DOK6: variants seen among roughly 807,000 people sequenced by gnomAD.
DOK6 encodes docking protein 6, also known as downstream of tyrosine kinase 6.
DOK6 carries 22 observed loss-of-function variants against 44.0 expected under a neutral mutation model. The ratio of observed to expected loss-of-function variants is 0.50; its 90% CI spans 0.36 to 0.71. The LOEUF is 0.71. Among genes scored for constraint, DOK6 ranks in the 30% least tolerant of loss-of-function variants. DOK6 has a pLI of 0.00. For synonymous variants in DOK6, 166 were observed against 145.5 expected, an observed-to-expected ratio of 1.14 and a Z score of -1.01; for missense variants, 340 against 416.4, an observed-to-expected ratio of 0.82 and a Z score of 1.60.
At chr18:69,431,329 C>A (rs956928173) in intron 1 of DOK6, among the ~76,000 whole-genome samples, 6 of 152,162 alleles carry the variant, frequency 3.9e-5, no homozygotes, top group Non-Finnish European at 8.8e-5. Context: ...CCAGTTACCC[C>A]TTATCTGAAT....
At chr18:69,565,513 GT>G (rs1982952652) in intron 2 of DOK6, among the ~76,000 whole-genome samples, 21 of 61,340 alleles carry the variant, frequency 3.4e-4, no homozygotes, top group Non-Finnish European at 1.4e-4. Flanking sequence ...GTGTGTGTGT[GT>G]GTGTGTGTAT....
chr18:69,773,314 A>G (rs904016118), intron 7 of DOK6, among the ~76,000 whole-genome samples: 1 of 152,004 alleles, frequency 6.6e-6, no homozygotes, highest in Non-Finnish European at 1.5e-5. Flanking sequence ...ATAGAAATAC[A>G]TAAAATCCAC....
At chr18:69,745,331 C>T (rs1347489512) in intron 6 of DOK6, among the ~76,000 whole-genome samples, 2 of 152,122 alleles carry the variant, frequency 1.3e-5, no homozygotes, top group Non-Finnish European at 2.9e-5. Context: ...GAAAGCTGCA[C>T]AAGGATAGTT....
rs1046160770 is a variant in DOK6, at chr18:69,805,931, A to G, written c.857-35313A>G. ...AAGTCTATTATAATAATTTATCTTA[A>G]TTATTAATTATATGGTTTTTGGAAC... is the stretch of plus-strand genomic sequence containing the variant. On this transcript the variant is annotated intron_variant, in intron 7 of 7. Transcript: ENST00000382713. 2.6e-5 allele frequency among the ~76,000 whole-genome samples: 4 copies of G among 152,046 alleles called. No individual in the cohort carries two copies. The South Asian group carries it at 8.3e-4, about 31-fold the overall frequency.
chr18:69,420,752 A>C (rs935074491), intron 1 of DOK6, among the ~76,000 whole-genome samples: 1 of 152,108 alleles, frequency 6.6e-6, no homozygotes, highest in Non-Finnish European at 1.5e-5. Context: ...ACTGCACACA[A>C]TTTCATGACA....
intron 1 of DOK6, among the ~76,000 whole-genome samples, chr18:69,545,493 ACT>A (rs554796859): frequency 1.2e-3 from 184 of 147,506 alleles, no homozygotes; most frequent in African/African-American, 4.3e-3. Context: ...AGCAGAGATC[ACT>A]ATTTCTCTTC....
chr18:69,659,842 TA>T (rs1985468185), intron 3 of DOK6: 1 of 44,770 alleles, frequency 2.2e-5, no homozygotes, highest in African/African-American at 6.9e-5. Context: ...ATATAACATA[TA>T]TGTATGTTAT....
intron 1 of DOK6, among the ~76,000 whole-genome samples, chr18:69,416,005 T>C (rs1422446497): frequency 6.6e-6 from 1 of 151,946 alleles, no homozygotes. Context: ...AACAATACTG[T>C]CTTCTGTAGC....
intron 1 of DOK6, among the ~76,000 whole-genome samples, chr18:69,548,845 G>A (rs1201342657): frequency 1.3e-5 from 2 of 151,466 alleles, no homozygotes; most frequent in Non-Finnish European, 1.5e-5. Flanking sequence ...TGTAATCCCA[G>A]CACTTTGGGA....
chr18:69,701,594 G>A (rs376470105), intron 5 of DOK6, among the ~76,000 whole-genome samples: 4 of 152,072 alleles, frequency 2.6e-5, no homozygotes, highest in African/African-American at 4.8e-5. Flanking sequence ...AAATTCAGGC[G>A]AACCCCTGAT....
intron 5 of DOK6, among the ~76,000 whole-genome samples, chr18:69,723,266 A>G (rs1978291976): frequency 6.6e-6 from 1 of 152,196 alleles, no homozygotes; most frequent in African/African-American, 2.4e-5. Flanking sequence ...GAGCTATATA[A>G]TCAACACCTT....
At chr18:69,680,044 G>C (rs1461794856) in intron 4 of DOK6, among the ~76,000 whole-genome samples, 7 of 152,112 alleles carry the variant, frequency 4.6e-5, no homozygotes, top group African/African-American at 1.7e-4. Context: ...TATCACCAGT[G>C]CTATAAATGC....
At chr18:69,839,464 A>T (rs2145139048) in intron 7 of DOK6, among the ~76,000 whole-genome samples, 1 of 151,770 alleles carries the variant, frequency 6.6e-6, no homozygotes, top group Non-Finnish European at 1.5e-5. Context: ...CTTCTTTGGT[A>T]ATCACTACCT....
At chr18:69,531,595 A>G (rs1202823559) in intron 1 of DOK6, among the ~76,000 whole-genome samples, 1 of 151,998 alleles carries the variant, frequency 6.6e-6, no homozygotes, top group East Asian at 1.9e-4. Context: ...GACATACAGA[A>G]CCTGTAGTTC....
chr18:69,795,793 G>A (rs1212342176), intron 7 of DOK6, among the ~76,000 whole-genome samples: 2 of 152,150 alleles, frequency 1.3e-5, no homozygotes, highest in African/African-American at 4.8e-5. Context: ...AGGTCTTTAA[G>A]GAGAAGTTTT....
At chr18:69,532,670 G>A (rs1982017231) in intron 1 of DOK6, 1 of 152,166 alleles carries the variant, frequency 6.6e-6, no homozygotes, top group Admixed American at 6.5e-5. Context: ...AGACCAGCCT[G>A]GACAACATAG....
At chr18:69,529,958 T>G (rs1289083882) in intron 1 of DOK6, among the ~76,000 whole-genome samples, 3 of 152,206 alleles carry the variant, frequency 2.0e-5, no homozygotes, top group African/African-American at 7.2e-5. Context: ...CTTTAGTCTA[T>G]ATCTTGTTTC....
At chr18:69,835,960 T>A (rs1485831753) in intron 7 of DOK6, among the ~76,000 whole-genome samples, 1 of 152,212 alleles carries the variant, frequency 6.6e-6, no homozygotes, top group African/African-American at 2.4e-5. Flanking sequence ...TCCTTCATAG[T>A]ATATATCAAG....
intron 1 of DOK6, among the ~76,000 whole-genome samples, chr18:69,524,215 T>A (rs977800786): frequency 6.6e-6 from 1 of 151,982 alleles, no homozygotes; most frequent in Admixed American, 6.6e-5. Flanking sequence ...CAATTTTGCA[T>A]AAGAATTAAA....
Sources: gnomAD v4.1 joint callset for allele counts (sites outside exome capture counted in the v4.1 genomes callset) on GRCh38, gnomAD v4.1.1 for gene constraint, MANE v1.5 for transcripts, NCBI Gene and HGNC (gene_info 2026-07-23, HGNC 2026-07-21) for gene names.